KANSL1: variants seen among roughly 807,000 people sequenced by gnomAD.
The protein encoded by KANSL1 is MLL1/MLL complex subunit KANSL1.
KANSL1 carries 22 observed loss-of-function variants against 103.6 expected under a neutral mutation model. The observed-to-expected ratio is 0.21, with a 90% CI of 0.15 to 0.30. The LOEUF is 0.30. Ranked by LOEUF, KANSL1 falls within the 10% of genes least tolerant of loss-of-function variation. KANSL1 has a pLI of 1.00. For missense variants in KANSL1, 1,337 were observed against 1,399.8 expected, an observed-to-expected ratio of 0.96 and a Z score of 0.72; for synonymous variants, 600 against 527.6, an observed-to-expected ratio of 1.14 and a Z score of -1.88.
intron 2 of KANSL1, among the ~76,000 whole-genome samples, chr17:46,118,288 A>T (rs2043131478): frequency 1.3e-5 from 2 of 152,264 alleles, no homozygotes; most frequent in African/African-American, 2.4e-5. Flanking sequence ...AATCTATTGC[A>T]CACAAACACA....
chr17:46,211,285 G>A (rs1339834455), intron 1 of KANSL1, among the ~76,000 whole-genome samples: 1 of 147,026 alleles, frequency 6.8e-6, no homozygotes, highest in African/African-American at 2.5e-5. Flanking sequence ...GGAAAAAACT[G>A]TAAATCAAGG....
chr17:46,065,717 G>C (rs923629571), intron 6 of KANSL1, among the ~76,000 whole-genome samples: 6 of 152,090 alleles, frequency 3.9e-5, no homozygotes, highest in Admixed American at 1.3e-4. Context: ...AATTTTACTG[G>C]AATATTATTA....
intron 6 of KANSL1, among the ~76,000 whole-genome samples, chr17:46,051,842 T>G (rs1240970953): frequency 6.6e-6 from 1 of 152,184 alleles, no homozygotes; most frequent in African/African-American, 2.4e-5. Context: ...AAGATATACA[T>G]AAGAACAATG....
In KANSL1 at chr17:46,038,691, A is replaced by G; in HGVS notation, c.2393-5T>C. 1 of 1,614,102 alleles carries G rather than the reference A, an allele frequency of 6.2e-7. No homozygotes were observed. Among genetic ancestry groups the G allele is most frequent in the Non-Finnish European group, 8.5e-7 (1 of 1,180,010 alleles). On this transcript the variant is annotated splice_region_variant and splice_polypyrimidine_tract_variant and intron_variant, in intron 9 of 14. Coordinates refer to ENST00000432791, the MANE Select transcript of KANSL1 (RefSeq NM_015443.4). ...TGTCTGTGTGATGCTTCAACACTGC[A>G]GAAGTCAACAGAAAAGAGAGAAATA...
At chr17:46,153,358 C>T (rs1031097804) in intron 2 of KANSL1, among the ~76,000 whole-genome samples, 3 of 152,170 alleles carry the variant, frequency 2.0e-5, no homozygotes, top group African/African-American at 7.2e-5. Context: ...TCGTTTTACT[C>T]GGTAAAATAG....
intron 2 of KANSL1, among the ~76,000 whole-genome samples, chr17:46,136,313 G>A (rs1194742788): frequency 6.6e-6 from 1 of 152,142 alleles, no homozygotes; most frequent in African/African-American, 2.4e-5. Flanking sequence ...TTACTTCTCT[G>A]AAGCCTGTCA....
At chr17:46,113,197 A>G (rs1019870599) in intron 2 of KANSL1, among the ~76,000 whole-genome samples, 5 of 152,220 alleles carry the variant, frequency 3.3e-5, no homozygotes, top group Non-Finnish European at 5.9e-5. Flanking sequence ...TCCTACAAGA[A>G]AATGTCAGTA....
intron 1 of KANSL1, among the ~76,000 whole-genome samples, chr17:46,217,334 G>T (rs1308211485): frequency 6.6e-6 from 1 of 152,006 alleles, no homozygotes; most frequent in Non-Finnish European, 1.5e-5. Flanking sequence ...AAATTAGCTA[G>T]GCACGGTGGC....
chr17:46,207,955 A>G (rs546142386), intron 1 of KANSL1, among the ~76,000 whole-genome samples: 42 of 152,296 alleles, frequency 2.8e-4, no homozygotes, highest in African/African-American at 9.9e-4. Flanking sequence ...TACTAAAAAG[A>G]CAAAAATTAG....
In KANSL1 at chr17:46,031,646, A is replaced by C; in HGVS notation, c.3148T>G (p.Cys1050Gly). The C allele has an allele frequency of 6.2e-7, 1 of 1,613,562 alleles. No homozygotes were observed. Among genetic ancestry groups the C allele is most frequent in the Non-Finnish European group, 8.5e-7 (1 of 1,179,704 alleles). The part of the protein sequence containing the change: ...FPLAHSPQAE[C>G]EDQLDAQERA... ...TCCTGTGCATCCAGCTGGTCCTCAC[A>C]CTCCGCCTGGGGACTGTGCGCCAGG... is the stretch of plus-strand genomic sequence containing the variant. The change falls in exon 15 of 15, where the codon TGT becomes GGT. Residue 1050 changes from cysteine (C) to glycine (G), a missense_variant. Physicochemically the swap from Cys to Gly is radical, Grantham distance 159. Around this residue, in one of 2 missense-constraint regions of KANSL1, gnomAD observed 780 missense variants for 923.4 expected, o/e 0.84. Transcript: ENST00000432791.
rs200997135 is a variant in KANSL1, at chr17:46,171,131, A to G, written c.1013T>C (p.Leu338Ser). ...CAGCATCAACTGGCTCCGTGGTCTC[A>G]AGGATTCCAAGTTTGGCAGTTTGCT... ...TLSKLPNLES[L>S]RPRSQLMLTR... The change falls in exon 2 of 15, where the codon TTG (leucine) becomes TCG (serine). Residue 338 changes from leucine (L) to serine (S), a missense_variant. Physicochemically the swap from Leu to Ser is moderately radical, Grantham distance 145. Coordinates refer to ENST00000432791, the MANE Select transcript of KANSL1 (RefSeq NM_015443.4). The G allele has an allele frequency of 4.3e-6, 7 of 1,614,078 alleles. No homozygotes were observed. The African/African-American group carries it at 9.3e-5, about 22-fold the overall frequency.
At position 46,170,867 on chromosome 17, in the gene KANSL1, C is replaced by T. The variant is rs764291274; in HGVS notation, c.1277G>A (p.Arg426His). ...EELTRADPEQ[R>H]HVPLRRRSEW... ...GAGGTCTACTCACAGGGGTACATGACGCTGCTCGGGATCAGCTCTGGTCAG... is the reference window on the plus strand; with the variant it reads ...GAGGTCTACTCACAGGGGTACATGATGCTGCTCGGGATCAGCTCTGGTCAG... The change falls in exon 2 of 15, where the codon CGT (arginine) becomes CAT (histidine). Residue 426 changes from arginine to histidine, a missense_variant. Around this residue, in one of 2 missense-constraint regions of KANSL1, gnomAD observed 780 missense variants for 923.4 expected, o/e 0.84. Coordinates refer to ENST00000432791, the MANE Select transcript of KANSL1 (RefSeq NM_015443.4). The T allele has an allele frequency of 1.4e-5, 23 of 1,605,118 alleles. No individual in the cohort carries two copies. Among genetic ancestry groups the T allele is most frequent in the Admixed American group, 3.4e-5 (2 of 58,786 alleles).
chr17:46,036,755 C>T (rs986196487), intron 10 of KANSL1, among the ~76,000 whole-genome samples: 37 of 150,896 alleles, frequency 2.5e-4, no homozygotes, highest in Admixed American at 1.9e-3. Flanking sequence ...AGTCTTGCTG[C>T]GACGCCCAGG....
In KANSL1 at chr17:46,149,025, C is replaced by T. The variant is rs187125818; in HGVS notation, c.1289+21830G>A. 2.9e-3 allele frequency among the ~76,000 whole-genome samples: 397 copies of T among 134,660 alleles called. 1 individual carries two copies. The highest frequency in any genetic ancestry group is 0.011 in the African/African-American group (366 of 34,540). 88.3% of individuals were successfully genotyped at this position (134,660 alleles called of 152,430 possible). A position where few individuals can be genotyped will look rare whatever the true frequency, so the allele number is the denominator to read the frequency against. On this transcript the variant is annotated intron_variant, in intron 2 of 14. Transcript: ENST00000432791. Reference sequence around the variant, plus strand: ...TTTTCTTTTTTTTTTTTTTTTGAGACGGAGTCTCGCTCTATCGCCCAGGCT... The same window carrying T: ...TTTTCTTTTTTTTTTTTTTTTGAGATGGAGTCTCGCTCTATCGCCCAGGCT...
chr17:46,115,445 C>A (rs933387788), intron 2 of KANSL1, among the ~76,000 whole-genome samples: 2 of 151,768 alleles, frequency 1.3e-5, no homozygotes, highest in East Asian at 1.9e-4. Context: ...ATAAAGCTAT[C>A]GAGTGTCAAC....
chr17:46,056,156 C>A (rs1373670847), intron 6 of KANSL1, among the ~76,000 whole-genome samples: 1 of 152,180 alleles, frequency 6.6e-6, no homozygotes, highest in African/African-American at 2.4e-5. Context: ...CACCACCAAG[C>A]CTGGCTAATT....
rs113682685 is a variant in KANSL1, at chr17:46,114,356, C to CAAACAA, written c.1290-19661_1290-19656dup. The stretch of plus-strand genomic sequence containing the variant: ...CCTGGGCAACAGCGAGACTCCCTCT[C>CAAACAA]AAACAAAAACAAAAACAAAAAAACT... On this transcript the variant is annotated intron_variant, in intron 2 of 14. Coordinates refer to ENST00000432791, the MANE Select transcript of KANSL1 (RefSeq NM_015443.4). 7.2e-5 allele frequency among the ~76,000 whole-genome samples: 11 copies of CAAACAA among 151,900 alleles called. No homozygotes were observed. The East Asian group carries it at 2.2e-3, about 30-fold the overall frequency.
chr17:46,084,697 T>TAAAAAA (rs67108405), intron 3 of KANSL1, among the ~76,000 whole-genome samples: 173 of 74,512 alleles, frequency 2.3e-3, no homozygotes, highest in Non-Finnish European at 2.7e-3. Context: ...TTTTAAAAAT[T>TAAAAAA]AAAAAAAAAA....
At position 46,039,872 on chromosome 17, in the gene KANSL1, C is replaced by G; in HGVS notation, c.2033G>C (p.Ser678Thr). ...TTTCAGCATGCTCTGGAAATGCAGG[C>G]TTGTGGGAACATCTGCAAGAAACAT... ...VLAFPDDVPTSLHFQSMLKSQ... is the reference protein window; with the variant it reads ...VLAFPDDVPTTLHFQSMLKSQ... Residue 678 changes from serine (S) to threonine (T), a missense_variant, in exon 8 of 15, where the codon AGC becomes ACC. Transcript: ENST00000432791. 1 of 1,614,166 alleles carries G rather than the reference C, an allele frequency of 6.2e-7. No individual in the cohort carries two copies. The highest frequency in any genetic ancestry group is 1.7e-5 in the Admixed American group (1 of 60,028).
Sources: gnomAD v4.1 joint callset for allele counts (sites outside exome capture counted in the v4.1 genomes callset) on GRCh38, gnomAD v4.1.1 for gene constraint, gnomAD v4.1.1 regional missense constraint, MANE v1.5 for transcripts, NCBI Gene and HGNC (gene_info 2026-07-23, HGNC 2026-07-21) for gene names.